Variants in AFG3L2 observed in about 807,000 individuals in gnomAD.
AFG3L2 encodes mitochondrial inner membrane m-AAA protease component AFG3L2.
A neutral mutation model predicts 94.5 loss-of-function variants in AFG3L2; 54 were observed. That is an observed-to-expected ratio of 0.57 (90% CI 0.46 to 0.72). The LOEUF (loss-of-function observed/expected upper bound fraction) is 0.72, where lower values mean the gene tolerates loss of function less well. Among genes scored for constraint, AFG3L2 ranks in the 30% least tolerant of loss-of-function variants. The pLI is 0.00. For synonymous variants in AFG3L2, 377 were observed against 365.5 expected, an observed-to-expected ratio of 1.03 and a Z score of -0.36; for missense variants, 754 against 994.9, an observed-to-expected ratio of 0.76 and a Z score of 3.26.
chr18:12,333,702 T>C (rs1057137771), intron 16 of AFG3L2, among the ~76,000 whole-genome samples: 3 of 152,096 alleles, frequency 2.0e-5, no homozygotes, highest in Non-Finnish European at 4.4e-5. Context: ...CAAAACATGA[T>C]TGAGGTTTTT....
At position 12,356,816 on chromosome 18, in the gene AFG3L2, C is replaced by T. The variant is rs1568141800; in HGVS notation, c.1042G>A (p.Gly348Ser). Residue 348 changes from glycine (G) to serine (S), a missense_variant, in exon 9 of 17, where the codon GGT (glycine) becomes AGT (serine). Transcript: ENST00000269143. ...AKIPKGAILT[G>S]PPGTGKTLLA... The stretch of plus-strand genomic sequence containing the variant: ...AGCGTCTTCCCAGTGCCTGGAGGAC[C>T]AGTGAGAATGGCACCCTTCAGATAT... The T allele has an allele frequency of 1.9e-6, 3 of 1,614,068 alleles. No homozygotes were observed. The highest frequency in any genetic ancestry group is 2.5e-6 in the Non-Finnish European group (3 of 1,180,030).
chr18:12,333,193 TATATA>T (rs533108180), intron 16 of AFG3L2, among the ~76,000 whole-genome samples: 2,854 of 117,740 alleles, frequency 0.024, 136 homozygotes, highest in African/African-American at 0.095. Context: ...ATAAATAATA[TATATA>T]ATAATCTAAT....
chr18:12,357,484 C>T (rs188360001), intron 8 of AFG3L2, among the ~76,000 whole-genome samples: 11 of 152,166 alleles, frequency 7.2e-5, no homozygotes, highest in African/African-American at 2.7e-4. Flanking sequence ...GTAATAAAAC[C>T]TTAAGGTATT....
chr18:12,330,780 C>CAA (rs544247468), intron 16 of AFG3L2, among the ~76,000 whole-genome samples: 1 of 123,502 alleles, frequency 8.1e-6, no homozygotes, highest in African/African-American at 3.0e-5. Flanking sequence ...GACTCGGTCT[C>CAA]AAAAAAAAAA....
At chr18:12,351,523 T>G in intron 10 of AFG3L2, 110 bp from the exon 11 acceptor site, 1 of 942,398 alleles carries the variant, frequency 1.1e-6, no homozygotes, top group Non-Finnish European at 1.7e-6. Context: ...GTAAACACAT[T>G]TTCTATTCAT....
In AFG3L2 at chr18:12,370,809, G is replaced by A. The variant is rs556354571; in HGVS notation, c.292+40C>T. 3.0e-6 allele frequency: 4 copies of A among 1,350,394 alleles called. No homozygotes were observed. In the East Asian group the frequency reaches 7.0e-5, roughly 23 times the overall value. 83.7% of individuals were successfully genotyped at this position (1,350,394 alleles called of 1,614,324 possible). On this transcript the variant is annotated intron_variant, in intron 3 of 16. Coordinates refer to ENST00000269143, the MANE Select transcript of AFG3L2 (RefSeq NM_006796.3). Reference sequence around the variant, plus strand: ...GAAACTACCACCATTATACATGAGGGGAAAACACAAAATTCAAATATAATA... The same window carrying A: ...GAAACTACCACCATTATACATGAGGAGAAAACACAAAATTCAAATATAATA...
chr18:12,371,011 A>G (rs1908971913), intron 2 of AFG3L2, 85 bp from the exon 3 acceptor site: 1 of 849,566 alleles, frequency 1.2e-6, no homozygotes, highest in Non-Finnish European at 1.9e-6. Context: ...CAGCTGATGC[A>G]TCACTGAAAA....
intron 16 of AFG3L2, 142 bp from the exon 17 acceptor site, chr18:12,329,925 GT>G: frequency 2.7e-6 from 2 of 738,662 alleles, no homozygotes; most frequent in Non-Finnish European, 4.5e-6. Flanking sequence ...AGGTTGCATA[GT>G]TTTAGAGTAA....
intron 1 of AFG3L2, among the ~76,000 whole-genome samples, chr18:12,375,823 G>A (rs1909137810): frequency 6.6e-6 from 1 of 151,598 alleles, no homozygotes; most frequent in South Asian, 2.1e-4. Context: ...GAGCTACCGC[G>A]CCTGGCCTCT....
At position 12,377,153 on chromosome 18, in the gene AFG3L2, G is replaced by A. The variant is rs571340907; in HGVS notation, c.-71C>T. On this transcript the variant is annotated 5_prime_UTR_variant, in exon 1 of 17. Coordinates refer to ENST00000269143, the MANE Select transcript of AFG3L2 (RefSeq NM_006796.3). ...GGCAGGCGACGACTGGCGGCCTCGG[G>A]AAGCGGGCTCGGCTCGGGGAAAGGC... is the stretch of plus-strand genomic sequence containing the variant. 7.4e-3 allele frequency: 8,847 copies of A among 1,203,296 alleles called. 58 individuals carry two copies. The highest frequency in any genetic ancestry group is 8.8e-3 in the Non-Finnish European group (7,931 of 901,924). The allele number at this position is 1,203,296 out of a possible 1,614,324, so 74.5% of individuals were successfully genotyped here.
chr18:12,367,365 T>C lies in AFG3L2; in HGVS notation c.310A>G (p.Thr104Ala), dbSNP rs1303202694. Residue 104 changes from threonine (T) to alanine (A), a missense_variant, in exon 4 of 17, where the codon ACC becomes GCC. By Grantham distance (58) the Thr-to-Ala change is moderately conservative. Coordinates refer to ENST00000269143, the MANE Select transcript of AFG3L2 (RefSeq NM_006796.3). ...CCTCCTCCTCCAGAAGAGCGTGTGG[T>C]AGCAGCTGGCTTTGATTCTGTTCAT... is the stretch of plus-strand genomic sequence containing the variant. ...GEKKESKPAA[T>A]TRSSGGGGGG... 2 of 1,614,162 alleles carry C rather than the reference T, an allele frequency of 1.2e-6. No homozygotes were observed. The highest frequency in any genetic ancestry group is 2.7e-5 in the African/African-American group (2 of 75,048).
Position 12,329,435 on chromosome 18 carries a change from CCAT to C in AFG3L2, c.*127_*129del. The C allele has an allele frequency of 1.0e-6, 1 of 998,928 alleles. No homozygotes were observed. The highest frequency in any genetic ancestry group is 1.6e-6 in the Non-Finnish European group (1 of 631,592). 61.9% of individuals were successfully genotyped at this position (998,928 alleles called of 1,614,324 possible). On this transcript the variant is annotated 3_prime_UTR_variant, in exon 17 of 17. Coordinates refer to ENST00000269143, the MANE Select transcript of AFG3L2 (RefSeq NM_006796.3). ...CTGAAAGGACTAAGGACTCCTTTCC[CCAT>C]CATTTCAGCTGGGCCAGTGGCTGGC...
Position 12,329,310 on chromosome 18 carries a change from C to T in AFG3L2, c.*255G>A, listed in dbSNP as rs566345570. 5.8e-6 allele frequency: 4 copies of T among 683,776 alleles called. No homozygotes were observed. Among genetic ancestry groups the T allele is most frequent in the Admixed American group, 2.1e-5 (1 of 47,418 alleles). 42.4% of individuals were successfully genotyped at this position (683,776 alleles called of 1,614,324 possible). ...CCAGCCTCGGCCACTCTGGGCTCAA[C>T]CTTTCCAGCACGTCTGGGAGCCCAA... is the stretch of plus-strand genomic sequence containing the variant. On this transcript the variant is annotated 3_prime_UTR_variant, in exon 17 of 17. Coordinates refer to ENST00000269143, the MANE Select transcript of AFG3L2 (RefSeq NM_006796.3).
intron 6 of AFG3L2, among the ~76,000 whole-genome samples, chr18:12,362,279 C>T (rs138238798): frequency 8.5e-5 from 13 of 152,286 alleles, no homozygotes; most frequent in African/African-American, 3.1e-4. Flanking sequence ...TACTGCTGCT[C>T]CATTCACAGC....
At chr18:12,344,467 G>A in intron 13 of AFG3L2, 1 of 521,060 alleles carries the variant, frequency 1.9e-6, no homozygotes, top group Non-Finnish European at 3.5e-6. Flanking sequence ...TTGAGGTGAG[G>A]AGTTCGAGAC....
intron 3 of AFG3L2, among the ~76,000 whole-genome samples, chr18:12,369,876 G>A (rs941097611): frequency 7.3e-4 from 109 of 149,122 alleles, no homozygotes; most frequent in African/African-American, 2.4e-3. Flanking sequence ...CTAACACAGC[G>A]AAACCCCGTC....
At chr18:12,347,951 C>A (rs963612449) in intron 13 of AFG3L2, among the ~76,000 whole-genome samples, 1 of 152,158 alleles carries the variant, frequency 6.6e-6, no homozygotes, top group African/African-American at 2.4e-5. Context: ...TTTTAACAAA[C>A]TTGATTGGTA....
At chr18:12,369,033 G>A (rs1418251546) in intron 3 of AFG3L2, among the ~76,000 whole-genome samples, 2 of 152,044 alleles carry the variant, frequency 1.3e-5, no homozygotes, top group Admixed American at 6.6e-5. Flanking sequence ...ACTCCGCTAT[G>A]CTGCATACGA....
intron 9 of AFG3L2, among the ~76,000 whole-genome samples, chr18:12,353,501 C>T (rs553140691): frequency 2.7e-5 from 3 of 109,252 alleles, no homozygotes; most frequent in South Asian, 2.9e-4. Context: ...GCAACAAGAG[C>T]GAAATTCTGT....
Sources: gnomAD v4.1 joint callset for allele counts (sites outside exome capture counted in the v4.1 genomes callset) on GRCh38, gnomAD v4.1.1 for gene constraint, MANE v1.5 for transcripts, NCBI Gene and HGNC (gene_info 2026-07-23, HGNC 2026-07-21) for gene names.